Variants in OSMR observed in about 807,000 individuals in gnomAD.
OSMR encodes the protein oncostatin M receptor.
Under a neutral mutation model 99.9 loss-of-function variants are expected in OSMR, and 81 were observed. That is an observed-to-expected ratio of 0.81 (90% CI 0.68 to 0.97). The LOEUF (loss-of-function observed/expected upper bound fraction) is 0.97. Ranked by LOEUF, OSMR falls within the 50% of genes least tolerant of loss-of-function variation. OSMR has a pLI of 0.00. For missense variants in OSMR, 1,099 were observed against 1,153.4 expected, an observed-to-expected ratio of 0.95 and a Z score of 0.68; for synonymous variants, 406 against 410.4, an observed-to-expected ratio of 0.99 and a Z score of 0.13.
At chr5:38,892,999 C>T (rs888378119) in intron 7 of OSMR, among the ~76,000 whole-genome samples, 1 of 152,196 alleles carries the variant, frequency 6.6e-6, no homozygotes, top group African/African-American at 2.4e-5. Context: ...CCACATTTGT[C>T]ACCCTACCTC....
intron 1 of OSMR, among the ~76,000 whole-genome samples, chr5:38,849,772 T>G (rs774394340): frequency 2.6e-5 from 4 of 152,256 alleles, no homozygotes; most frequent in Non-Finnish European, 5.9e-5. Flanking sequence ...AAATATTGGC[T>G]ACACATCAGA....
chr5:38,944,769 T>G (rs1747989583), intron 2 of OSMR: 1 of 867,438 alleles, frequency 1.2e-6, no homozygotes. Flanking sequence ...GTGCAATAAT[T>G]AACAGTGTTA....
chr5:38,871,119 T>C (rs960415018), intron 2 of OSMR, among the ~76,000 whole-genome samples: 3 of 152,198 alleles, frequency 2.0e-5, no homozygotes, highest in Non-Finnish European at 4.4e-5. Context: ...CTCCTTTTCT[T>C]AGAAAAATGG....
At chr5:38,910,791 A>T (rs1010528271) in intron 9 of OSMR, among the ~76,000 whole-genome samples, 10 of 152,198 alleles carry the variant, frequency 6.6e-5, no homozygotes, top group African/African-American at 2.4e-4. Flanking sequence ...TGGGCAGATC[A>T]CGAGGTCAGG....
At chr5:38,945,236 G>T (rs1304100882), downstream of OSMR, 14 of 624,894 alleles carry the variant, frequency 2.2e-5, no homozygotes, top group Non-Finnish European at 3.8e-5. Flanking sequence ...AATAACTACA[G>T]CATGCAAAGG....
intron 7 of OSMR, among the ~76,000 whole-genome samples, chr5:38,896,570 TATAAG>T: frequency 6.6e-6 from 1 of 152,248 alleles, no homozygotes; most frequent in African/African-American, 2.4e-5. Flanking sequence ...TTTTAACAAA[TATAAG>T]ATAATATCAT....
intron 7 of OSMR, among the ~76,000 whole-genome samples, chr5:38,890,793 A>C (rs1239530526): frequency 6.6e-6 from 1 of 152,224 alleles, no homozygotes; most frequent in African/African-American, 2.4e-5. Flanking sequence ...CATTTAAAAA[A>C]ATTCTATAGT....
At chr5:38,926,965 G>A (rs1227105107) in intron 15 of OSMR, among the ~76,000 whole-genome samples, 2 of 152,230 alleles carry the variant, frequency 1.3e-5, no homozygotes, top group East Asian at 1.9e-4. Flanking sequence ...GGGAGAAATC[G>A]GCCAAAACAA....
intron 1 of OSMR, among the ~76,000 whole-genome samples, chr5:38,847,495 T>A (rs923433472): frequency 1.2e-5 from 1 of 86,502 alleles, no homozygotes; most frequent in Admixed American, 1.2e-4. Context: ...GCTCAAACTC[T>A]AAGACTGGGT....
At chr5:38,923,287 C>T (rs753939489) in intron 13 of OSMR, 33 bp downstream of exon 13, 23 of 1,258,096 alleles carry the variant, frequency 1.8e-5, no homozygotes, top group Non-Finnish European at 2.7e-5. Flanking sequence ...GCCCCATGTG[C>T]AGACTTGTTC....
chr5:38,927,606 C>T (rs1218263124), intron 15 of OSMR, among the ~76,000 whole-genome samples: 3 of 152,164 alleles, frequency 2.0e-5, no homozygotes, highest in Non-Finnish European at 2.9e-5. Context: ...GCCCTGGGCT[C>T]AGCCCAGGAA....
intron 1 of OSMR, chr5:38,941,625 G>A (rs560920381): frequency 8.6e-6 from 2 of 231,948 alleles, no homozygotes; most frequent in South Asian, 3.6e-4. Flanking sequence ...CATATATCCT[G>A]TAATAACACA....
intron 1 of OSMR, among the ~76,000 whole-genome samples, chr5:38,850,906 T>G (rs1372202387): frequency 6.6e-6 from 1 of 152,212 alleles, no homozygotes; most frequent in African/African-American, 2.4e-5. Context: ...GTAGTATGAT[T>G]TTTCTACTCA....
At chr5:38,932,824 T>G in intron 17 of OSMR, 48 bp from the exon 18 acceptor site, 2 of 1,611,394 alleles carry the variant, frequency 1.2e-6, no homozygotes, top group Non-Finnish European at 1.7e-6. Context: ...GATGCATGCA[T>G]GCACACACAC....
At chr5:38,890,746 A>G (rs1461983802) in intron 7 of OSMR, among the ~76,000 whole-genome samples, 1 of 152,228 alleles carries the variant, frequency 6.6e-6, no homozygotes, top group Non-Finnish European at 1.5e-5. Flanking sequence ...AAGAAAAGAA[A>G]AAAGAGATAA....
intron 1 of OSMR, among the ~76,000 whole-genome samples, chr5:38,853,909 A>T (rs564098110): frequency 6.6e-6 from 1 of 152,178 alleles, no homozygotes; most frequent in South Asian, 2.1e-4. Flanking sequence ...AAAGCTTCCC[A>T]TGGCTGTAGC....
intron 15 of OSMR, among the ~76,000 whole-genome samples, chr5:38,926,255 T>C (rs1176978980): frequency 1.3e-5 from 2 of 152,170 alleles, no homozygotes; most frequent in Non-Finnish European, 2.9e-5. Flanking sequence ...AAGCTGCAGC[T>C]GTAGAGATGG....
intron 3 of OSMR, 69 bp from the exon 4 acceptor site, chr5:38,881,524 A>T: frequency 6.2e-7 from 1 of 1,613,408 alleles, no homozygotes; most frequent in South Asian, 1.1e-5. Context: ...GCTTTGGGAT[A>T]AGTCAAGTCA....
chr5:38,898,637 T>TA (rs1276986636), intron 7 of OSMR, among the ~76,000 whole-genome samples: 1 of 152,180 alleles, frequency 6.6e-6, no homozygotes, highest in Non-Finnish European at 1.5e-5. Context: ...TCTGGCCATT[T>TA]AAAAATTTGT....
Sources: allele counts gnomAD v4.1 joint callset (sites outside exome capture counted in the v4.1 genomes callset), GRCh38; gene constraint gnomAD v4.1.1; transcripts MANE v1.5; gene names NCBI Gene and HGNC (gene_info 2026-07-23, HGNC 2026-07-21).